Variants in PLAAT1 observed in about 807,000 individuals in gnomAD.
PLAAT1 encodes the protein H-REV107 protein-related protein.
A neutral mutation model predicts 16.4 loss-of-function variants in PLAAT1; 13 were observed. The ratio of observed to expected loss-of-function variants is 0.79; its 90% CI spans 0.52 to 1.26. The LOEUF (loss-of-function observed/expected upper bound fraction) is 1.26. Among genes scored for constraint, PLAAT1 ranks in the 50% most tolerant of loss-of-function variants. PLAAT1 has a pLI of 0.00. For synonymous variants in PLAAT1, 73 were observed against 78.4 expected (o/e 0.93, Z 0.36); for missense variants, 218 against 207.8 (o/e 1.05, Z -0.30).
At chr3:193,258,535 A>G (rs932434075) in intron 2 of PLAAT1, among the ~76,000 whole-genome samples, 8 of 152,296 alleles carry the variant, frequency 5.3e-5, no homozygotes, top group African/African-American at 1.4e-4. Flanking sequence ...AAAAAGATCC[A>G]AAGAAGTACA....
downstream of PLAAT1, among the ~76,000 whole-genome samples, chr3:193,271,692 A>G (rs1221672435): frequency 2.6e-5 from 4 of 152,210 alleles, no homozygotes; most frequent in African/African-American, 4.8e-5. Context: ...GTCTTATGCT[A>G]TCATCAAAAG....
chr3:193,253,791 T>C (rs186379819), intron 1 of PLAAT1, among the ~76,000 whole-genome samples: 1 of 152,342 alleles, frequency 6.6e-6, no homozygotes, highest in African/African-American at 2.4e-5. Flanking sequence ...TGATATTTGC[T>C]ACTTTAGCTT....
downstream of PLAAT1, chr3:193,274,795 G>C: frequency 1.8e-6 from 1 of 553,962 alleles, no homozygotes; most frequent in Non-Finnish European, 3.1e-6. Flanking sequence ...ATAATGCTAT[G>C]CAAAATGAAT....
chr3:193,273,963 G>C (rs1397790628), downstream of PLAAT1, among the ~76,000 whole-genome samples: 1 of 152,142 alleles, frequency 6.6e-6, no homozygotes, highest in African/African-American at 2.4e-5. Flanking sequence ...AGAGCTTGAG[G>C]CTGGGTGCAG....
chr3:193,262,521 G>C lies in PLAAT1; in HGVS notation c.140-449G>C, dbSNP rs545890121. 3.3e-5 allele frequency among the ~76,000 whole-genome samples: 5 copies of C among 152,192 alleles called. No homozygotes were observed. The South Asian group carries it at 1.0e-3, about 32-fold the overall frequency. On this transcript the variant is annotated intron_variant, in intron 2 of 3. Transcript: ENST00000264735. Reference sequence around the variant, plus strand: ...AGACGCTTAGGGAGCTTAGATACTAGGATGAGCCTACTAATAACAGTGTAC... The same window carrying C: ...AGACGCTTAGGGAGCTTAGATACTACGATGAGCCTACTAATAACAGTGTAC...
In PLAAT1 at chr3:193,245,703, T is replaced by C. The variant is rs142744952; in HGVS notation, c.-1+4170T>C. Among the ~76,000 whole-genome samples, 324 of 152,346 alleles carry C rather than the reference T, an allele frequency of 2.1e-3. 1 individual carries two copies. The highest frequency in any genetic ancestry group is 3.3e-3 in the Non-Finnish European group (227 of 68,028). On this transcript the variant is annotated intron_variant, in intron 1 of 3. Coordinates refer to ENST00000264735, the MANE Select transcript of PLAAT1 (RefSeq NM_020386.5). ...TCTCCACATCCTCACCAACACTTCT[T>C]ATCATTTTTGGTAACAGCCCTTCTA...
chr3:193,255,314 T>TA (rs1275568420), intron 1 of PLAAT1, among the ~76,000 whole-genome samples: 2 of 152,208 alleles, frequency 1.3e-5, no homozygotes, highest in Non-Finnish European at 2.9e-5. Context: ...TTGATATTTT[T>TA]AAAATCTGTG....
chr3:193,269,449 C>T (rs990970016), intron 3 of PLAAT1, among the ~76,000 whole-genome samples: 1 of 152,124 alleles, frequency 6.6e-6, no homozygotes, highest in African/African-American at 2.4e-5. Flanking sequence ...CTGTTGTGTC[C>T]CTCTTTCCTG....
chr3:193,276,152 G>T (rs528403423), intron 2 of PLAAT1, among the ~76,000 whole-genome samples: 3 of 152,166 alleles, frequency 2.0e-5, no homozygotes, highest in Non-Finnish European at 4.4e-5. Flanking sequence ...TTTAAAATTT[G>T]GTTGATCCCT....
chr3:193,248,447 T>C (rs979715230), intron 1 of PLAAT1, among the ~76,000 whole-genome samples: 1 of 152,076 alleles, frequency 6.6e-6, no homozygotes, highest in African/African-American at 2.4e-5. Flanking sequence ...TTACTATTGG[T>C]GTTTTGTTGT....
intron 1 of PLAAT1, among the ~76,000 whole-genome samples, chr3:193,246,808 A>T (rs1716000253): frequency 6.6e-6 from 1 of 152,192 alleles, no homozygotes; most frequent in Non-Finnish European, 1.5e-5. Flanking sequence ...TTCATCAGGG[A>T]TATTGGCCTG....
chr3:193,241,079 G>A (rs769730224), upstream of PLAAT1: 37 of 639,746 alleles, frequency 5.8e-5, no homozygotes, highest in Non-Finnish European at 6.6e-5. Context: ...GTGCGCGCGC[G>A]GAGGCGGCTG....
chr3:193,241,180 G>T, upstream of PLAAT1: 4 of 1,216,034 alleles, frequency 3.3e-6, no homozygotes, highest in South Asian at 1.3e-4. Context: ...TAGCCGGAGC[G>T]ACTGTGCCCC....
chr3:193,273,166 C>G (rs1458984879), downstream of PLAAT1, among the ~76,000 whole-genome samples: 1 of 152,102 alleles, frequency 6.6e-6, no homozygotes, highest in African/African-American at 2.4e-5. Context: ...TACAGTGTAT[C>G]AATTGAATCT....
rs373503937 is a variant in PLAAT1, at chr3:193,263,201, C to G, written c.371C>G (p.Thr124Arg). Residue 124 changes from threonine to arginine, a missense_variant, in exon 3 of 4, where the codon ACA becomes AGA. Coordinates refer to ENST00000264735, the MANE Select transcript of PLAAT1 (RefSeq NM_020386.5). ...GTCAACAACTGTGAACATTTTGTGA[C>G]ATTGCTTCGCTATGGAGAAGGAGTT... ...LLVNNCEHFV[T>R]LLRYGEGVSE... is the part of the protein sequence containing the mutation. The G allele has an allele frequency of 2.4e-5, 39 of 1,614,054 alleles. No homozygotes were observed. The African/African-American group carries it at 4.3e-4, about 18-fold the overall frequency.
downstream of PLAAT1, chr3:193,275,357 A>G: frequency 6.3e-7 from 1 of 1,585,846 alleles, no homozygotes; most frequent in Admixed American, 1.7e-5. Flanking sequence ...CCCTGCAGCC[A>G]GGCCGCTGGC....
chr3:193,260,596 A>C (rs534030721), intron 2 of PLAAT1, among the ~76,000 whole-genome samples: 1 of 152,186 alleles, frequency 6.6e-6, no homozygotes, highest in Non-Finnish European at 1.5e-5. Flanking sequence ...CTATGAAACA[A>C]TGCTCATCAT....
chr3:193,277,879 G>GAA (rs1309913989), downstream of PLAAT1: 1 of 152,208 alleles, frequency 6.6e-6, no homozygotes, highest in Non-Finnish European at 1.5e-5. Flanking sequence ...AGGCTGGAGT[G>GAA]CAGTGGCACA....
chr3:193,267,003 C>A (rs1311531368), intron 3 of PLAAT1, among the ~76,000 whole-genome samples: 1 of 121,870 alleles, frequency 8.2e-6, no homozygotes, highest in Non-Finnish European at 1.7e-5. Context: ...ATTATGATTT[C>A]ATCTTTTTTT....
Sources: allele counts gnomAD v4.1 joint callset (sites outside exome capture counted in the v4.1 genomes callset), GRCh38; gene constraint gnomAD v4.1.1; transcripts MANE v1.5; gene names NCBI Gene and HGNC (gene_info 2026-07-23, HGNC 2026-07-21).